SENP7: variants seen among roughly 807,000 people sequenced by gnomAD.
SENP7 encodes the protein SUMO specific peptidase 7, also known as sentrin-specific protease 7.
SENP7 carries 64 observed loss-of-function variants against 141.2 expected under a neutral mutation model. That is an observed-to-expected ratio of 0.45 (90% CI 0.37 to 0.56). The LOEUF (loss-of-function observed/expected upper bound fraction) is 0.56. Among genes scored for constraint, SENP7 ranks in the 20% least tolerant of loss-of-function variants. The pLI is 0.00. For missense variants in SENP7, 1,025 were observed against 1,212.2 expected (o/e 0.85, Z 2.29); for synonymous variants, 382 against 426.4 (o/e 0.90, Z 1.28).
intron 3 of SENP7, among the ~76,000 whole-genome samples, chr3:101,491,777 T>C (rs2064975198): frequency 6.6e-6 from 1 of 152,154 alleles, no homozygotes; most frequent in African/African-American, 2.4e-5. Context: ...AAATCTCTCC[T>C]CCAAGAACAA....
intron 3 of SENP7, among the ~76,000 whole-genome samples, chr3:101,474,285 A>G (rs947758792): frequency 3.3e-5 from 5 of 152,132 alleles, no homozygotes; most frequent in African/African-American, 1.2e-4. Context: ...TTTGGGCAGT[A>G]TGGCCATTTT....
chr3:101,337,589 T>A lies in SENP7; in HGVS notation c.2400A>T (p.Arg800=). The A allele has an allele frequency of 1.2e-6, 2 of 1,605,210 alleles. No individual in the cohort carries two copies. Among genetic ancestry groups the A allele is most frequent in the South Asian group, 1.1e-5 (1 of 89,820 alleles). Residue 800 remains arginine, a synonymous_variant, in exon 17 of 24, where the codon CGA becomes CGT. Coordinates refer to ENST00000394095, the MANE Select transcript of SENP7 (RefSeq NM_020654.5). ...LEKASDELVE[R]SHIFSSFFYK... ...AGAAAAAGCTACTAAAAATGTGACT[T>A]CGTTCAACAAGTTCATCTGATGCCT...
intron 5 of SENP7, among the ~76,000 whole-genome samples, chr3:101,405,864 C>G (rs1312818382): frequency 6.6e-6 from 1 of 152,070 alleles, no homozygotes; most frequent in Admixed American, 6.6e-5. Context: ...CAAATTAACC[C>G]AATCCAACAA....
At chr3:101,460,730 T>C (rs921735763) in intron 3 of SENP7, among the ~76,000 whole-genome samples, 3 of 152,134 alleles carry the variant, frequency 2.0e-5, no homozygotes, top group African/African-American at 7.2e-5. Context: ...CTTTTATTCA[T>C]TACTGGAATA....
At chr3:101,420,439 A>G (rs1553723558) in intron 4 of SENP7, among the ~76,000 whole-genome samples, 1 of 152,210 alleles carries the variant, frequency 6.6e-6, no homozygotes, top group Non-Finnish European at 1.5e-5. Flanking sequence ...CCTTGTAGAG[A>G]GGGGGAACAC....
intron 6 of SENP7, among the ~76,000 whole-genome samples, chr3:101,383,364 A>G (rs954005554): frequency 7.9e-5 from 12 of 152,158 alleles, no homozygotes; most frequent in Non-Finnish European, 1.5e-5. Flanking sequence ...CACAGCCGGG[A>G]CTGCAAATTC....
rs73863078 is a variant in SENP7, at chr3:101,361,479, T to C, written c.1623+236A>G. On this transcript the variant is annotated intron_variant, in intron 11 of 23. Coordinates refer to ENST00000394095, the MANE Select transcript of SENP7 (RefSeq NM_020654.5). ...TTAGAACCCAAAGATTATCAATACA[T>C]GTGATTTTTTTTCACACATGATTTT... Among the ~76,000 whole-genome samples the C allele has an allele frequency of 9.8e-3, 1,490 of 152,206 alleles. 28 individuals carry two copies. Among genetic ancestry groups the C allele is most frequent in the African/African-American group, 0.034 (1,409 of 41,540 alleles).
At position 101,340,205 on chromosome 3, in the gene SENP7, A is replaced by C; in HGVS notation, c.2247T>G (p.Ile749Met). 2.5e-6 allele frequency: 4 copies of C among 1,589,098 alleles called. No homozygotes were observed. The highest frequency in any genetic ancestry group is 3.4e-6 in the Non-Finnish European group (4 of 1,171,456). The change falls in exon 16 of 24, where the codon ATT becomes ATG. Residue 749 changes from isoleucine (I) to methionine (M), a missense_variant. Around this residue, in one of 4 missense-constraint regions of SENP7, gnomAD observed 295 missense variants for 459.1 expected, o/e 0.64. Transcript: ENST00000394095. ...CCTTAGTAGGTGGTGGAGGATATAC[A>C]ATCAACCTTAAAAGTAAAAATAAAG... The part of the protein sequence containing the change: ...VRHTGLVQKL[I>M]VYPPPPTKGG...
chr3:101,425,940 ACAGT>A (rs1279175580), intron 4 of SENP7, among the ~76,000 whole-genome samples: 1 of 152,218 alleles, frequency 6.6e-6, no homozygotes, highest in Non-Finnish European at 1.5e-5. Flanking sequence ...CTGAAATAAG[ACAGT>A]CAGACAAAAA....
At chr3:101,475,934 G>T (rs542542757) in intron 3 of SENP7, among the ~76,000 whole-genome samples, 2 of 152,108 alleles carry the variant, frequency 1.3e-5, no homozygotes, top group African/African-American at 4.8e-5. Flanking sequence ...CTTTCAACAT[G>T]CAGAAGGAAA....
In SENP7 at chr3:101,372,029, T is replaced by C; in HGVS notation, c.775A>G (p.Ile259Val). The C allele has an allele frequency of 1.9e-6, 3 of 1,551,728 alleles. No homozygotes were observed. The highest frequency in any genetic ancestry group is 2.6e-6 in the Non-Finnish European group (3 of 1,139,168). ...RRKDDGISLLISDTQPEDLNS... is the reference protein window; with the variant it reads ...RRKDDGISLLVSDTQPEDLNS... ...AAACCTTCAGGCTGAGTATCAGATA[T>C]TAAAAGAGAAATGCCATCATCCTTT... The change falls in exon 7 of 24, where the codon ATA becomes GTA. Residue 259 changes from isoleucine to valine, a missense_variant. By Grantham distance (29) the Ile-to-Val change is conservative. Coordinates refer to ENST00000394095, the MANE Select transcript of SENP7 (RefSeq NM_020654.5).
chr3:101,369,673 C>T (rs1032132811), intron 7 of SENP7, among the ~76,000 whole-genome samples: 4 of 152,048 alleles, frequency 2.6e-5, no homozygotes, highest in Middle Eastern at 3.2e-3. Context: ...TATTATACTA[C>T]AGTAAAATGA....
At chr3:101,435,870 T>C (rs1415631208) in intron 4 of SENP7, among the ~76,000 whole-genome samples, 1 of 152,126 alleles carries the variant, frequency 6.6e-6, no homozygotes, top group Non-Finnish European at 1.5e-5. Context: ...ACAGATTCAA[T>C]GCAATCCCCA....
chr3:101,351,000 C>A (rs2059598548), intron 12 of SENP7, among the ~76,000 whole-genome samples: 1 of 152,010 alleles, frequency 6.6e-6, no homozygotes, highest in Admixed American at 6.6e-5. Flanking sequence ...GATAGCATCT[C>A]CAATCTTGGA....
At chr3:101,358,713 C>T in intron 11 of SENP7, 1 of 158,078 alleles carries the variant, frequency 6.3e-6, no homozygotes, top group Non-Finnish European at 1.4e-5. Flanking sequence ...CACCTCACTG[C>T]AACCTCCGCC....
chr3:101,369,972 T>C (rs1186036018), intron 7 of SENP7, among the ~76,000 whole-genome samples: 4 of 152,258 alleles, frequency 2.6e-5, no homozygotes, highest in African/African-American at 9.6e-5. Flanking sequence ...GCAAACTTAA[T>C]GTGCTATGGA....
chr3:101,358,431 T>A, intron 11 of SENP7: 1 of 400,408 alleles, frequency 2.5e-6, no homozygotes, highest in South Asian at 2.2e-5. Context: ...CCTATAAATG[T>A]GATGAATGTG....
intron 4 of SENP7, among the ~76,000 whole-genome samples, chr3:101,429,101 G>C (rs2062066474): frequency 6.6e-6 from 1 of 152,166 alleles, no homozygotes; most frequent in Non-Finnish European, 1.5e-5. Flanking sequence ...TAGCCTTGTA[G>C]TATAGTTTGA....
intron 6 of SENP7, among the ~76,000 whole-genome samples, chr3:101,377,010 G>C (rs2060355679): frequency 1.3e-5 from 2 of 152,014 alleles, no homozygotes; most frequent in South Asian, 4.2e-4. Context: ...ATATTTATTA[G>C]CCTTGTGGAA....
Sources: gnomAD v4.1 joint callset for allele counts (sites outside exome capture counted in the v4.1 genomes callset) on GRCh38, gnomAD v4.1.1 for gene constraint, gnomAD v4.1.1 regional missense constraint, MANE v1.5 for transcripts, NCBI Gene and HGNC (gene_info 2026-07-23, HGNC 2026-07-21) for gene names.